Variants in ACTR3 observed in about 807,000 individuals in gnomAD.
ACTR3 encodes actin related protein 3, also known as actin-related protein 3.
Under a neutral mutation model 56.8 loss-of-function variants are expected in ACTR3, and 12 were observed. That is an observed-to-expected ratio of 0.21 (90% CI 0.14 to 0.34). The LOEUF is 0.34. Ranked by LOEUF, ACTR3 falls within the 10% of genes least tolerant of loss-of-function variation. ACTR3 has a pLI of 1.00. For synonymous variants in ACTR3, 162 were observed against 167.4 expected (o/e 0.97, Z 0.25); for missense variants, 282 against 512.5 (o/e 0.55, Z 4.34).
rs1680340168 is a variant in ACTR3, at chr2:113,962,418, T to C, written c.*4963T>C. 6.6e-6 allele frequency: 1 copy of C among 152,162 alleles called. No homozygotes were observed. The highest frequency in any genetic ancestry group is 1.5e-5 in the Non-Finnish European group (1 of 67,930). The allele number at this position is 152,162 out of a possible 1,614,324, so 9.4% of individuals were successfully genotyped here. A position where few individuals can be genotyped will look rare whatever the true frequency, so the allele number is the denominator to read the frequency against. On this transcript the variant is annotated 3_prime_UTR_variant, in exon 12 of 12. Transcript: ENST00000263238. ...TGGCTTTTATTGATCAATTTTGATA[T>C]TGTCCAGATCCCATGTTAAACCACT...
At chr2:113,943,644 A>G (rs1679963657) in intron 8 of ACTR3, among the ~76,000 whole-genome samples, 1 of 152,216 alleles carries the variant, frequency 6.6e-6, no homozygotes, top group Non-Finnish European at 1.5e-5. Context: ...AATAGAATCA[A>G]CATAATCAGT....
intron 5 of ACTR3, among the ~76,000 whole-genome samples, chr2:113,932,409 A>G (rs1235527458): frequency 6.6e-6 from 1 of 152,186 alleles, no homozygotes; most frequent in Non-Finnish European, 1.5e-5. Flanking sequence ...CCTATGTTAA[A>G]TATAATAAAC....
At chr2:113,921,432 C>A (rs192415235) in intron 3 of ACTR3, among the ~76,000 whole-genome samples, 14 of 150,998 alleles carry the variant, frequency 9.3e-5, no homozygotes, top group African/African-American at 3.2e-4. Context: ...CTTGTATTTT[C>A]CCTCTGTTGA....
rs970119409 is a variant in ACTR3 at position 113,890,469 on chromosome 2, C to T, written c.44+146C>T. The T allele has an allele frequency of 5.4e-6, 7 of 1,284,852 alleles. No individual in the cohort carries two copies. The African/African-American group carries it at 7.8e-5, about 14-fold the overall frequency. The allele number at this position is 1,284,852 out of a possible 1,614,324, so 79.6% of individuals were successfully genotyped here. ...ACCCGCCGGCCAGCGAGGGGTGGGG[C>T]CCGCAGCCAGGGCCTCGCGGGTCCC... On this transcript the variant is annotated intron_variant, in intron 1 of 11. Transcript: ENST00000263238.
chr2:113,916,811 G>T, intron 2 of ACTR3, 73 bp from the exon 3 acceptor site: 1 of 1,331,450 alleles, frequency 7.5e-7, no homozygotes, highest in Non-Finnish European at 1.0e-6. Flanking sequence ...CTTTGTAATG[G>T]GAGAAGTGTA....
intron 1 of ACTR3, among the ~76,000 whole-genome samples, chr2:113,908,757 G>T (rs572187017): frequency 6.6e-6 from 1 of 151,958 alleles, no homozygotes; most frequent in African/African-American, 2.4e-5. Flanking sequence ...TTTAAAGAGT[G>T]ATTTTTTTTG....
At chr2:113,893,628 T>C (rs902681997) in intron 1 of ACTR3, among the ~76,000 whole-genome samples, 1 of 152,150 alleles carries the variant, frequency 6.6e-6, no homozygotes, top group Admixed American at 6.5e-5. Context: ...TTTACTCAAG[T>C]TTCTCCATCA....
At chr2:113,889,992 GGAA>G (rs1172047339), upstream of ACTR3, 11 of 535,318 alleles carry the variant, frequency 2.1e-5, no homozygotes, top group Non-Finnish European at 3.0e-5. Context: ...CGGCGTGAGG[GGAA>G]GAAGTTGTAG....
rs184539015 is a variant in ACTR3, at chr2:113,897,919, A to T, written c.44+7596A>T. Among the ~76,000 whole-genome samples the T allele has an allele frequency of 1.2e-4, 19 of 152,258 alleles. 1 individual carries two copies. The highest frequency in any genetic ancestry group is 1.2e-3 in the Admixed American group (19 of 15,296). ...TTACCTAAACGTTTTATTTTTAAACATTTTGTCCTTGCTTTAAGACTTTGT... is the reference window on the plus strand; with the variant it reads ...TTACCTAAACGTTTTATTTTTAAACTTTTTGTCCTTGCTTTAAGACTTTGT... On this transcript the variant is annotated intron_variant, in intron 1 of 11. Coordinates refer to ENST00000263238, the MANE Select transcript of ACTR3 (RefSeq NM_005721.5).
At chr2:113,924,780 CA>C (rs916118704) in intron 3 of ACTR3, among the ~76,000 whole-genome samples, 8 of 149,422 alleles carry the variant, frequency 5.4e-5, no homozygotes, top group African/African-American at 1.7e-4. Context: ...ATTCCCCTGC[CA>C]AAAAAAAAGC....
intron 4 of ACTR3, 152 bp downstream of exon 4, chr2:113,927,607 G>A (rs1050356613): frequency 3.8e-6 from 2 of 533,084 alleles, no homozygotes; most frequent in African/African-American, 1.9e-5. Context: ...AGACCATCTA[G>A]TTATGGCTAC....
intron 2 of ACTR3, among the ~76,000 whole-genome samples, chr2:113,915,684 T>C (rs540811614): frequency 1.8e-4 from 27 of 152,364 alleles, no homozygotes; most frequent in African/African-American, 6.5e-4. Context: ...GTTGGAGGCC[T>C]ATATAATCTT....
chr2:113,890,604 G>T, intron 1 of ACTR3: 1 of 1,323,160 alleles, frequency 7.6e-7, no homozygotes, highest in African/African-American at 1.5e-5. Context: ...CCCCACTACG[G>T]TGGGCAGCGC....
chr2:113,922,149 A>G (rs992406451), intron 3 of ACTR3, among the ~76,000 whole-genome samples: 3 of 152,196 alleles, frequency 2.0e-5, no homozygotes, highest in Non-Finnish European at 4.4e-5. Context: ...GAAAAAAGTA[A>G]CAGTAAGAGT....
rs1679330287 is a variant in ACTR3 at position 113,912,726 on chromosome 2, G to GT, written c.45-445dup. On this transcript the variant is annotated intron_variant, in intron 1 of 11. Coordinates refer to ENST00000263238, the MANE Select transcript of ACTR3 (RefSeq NM_005721.5). ...TATACCATACTTGATACATTGTTCT[G>GT]TATCTTTGTTCAATAAGTAATATAT... Among the ~76,000 whole-genome samples the GT allele has an allele frequency of 2.0e-5, 3 of 152,006 alleles. No individual in the cohort carries two copies. The South Asian group carries it at 6.2e-4, about 32-fold the overall frequency.
intron 1 of ACTR3, chr2:113,890,744 C>T (rs1260432428): frequency 5.7e-6 from 6 of 1,053,366 alleles, no homozygotes; most frequent in Non-Finnish European, 6.9e-6. Flanking sequence ...CGGGGACTGG[C>T]CTGGCAGGGG....
At chr2:113,917,541 C>A (rs1287602747) in intron 3 of ACTR3, among the ~76,000 whole-genome samples, 1 of 152,056 alleles carries the variant, frequency 6.6e-6, no homozygotes, top group Non-Finnish European at 1.5e-5. Context: ...AATCTAGTAA[C>A]CCTGAAGCTT....
Position 113,934,372 on chromosome 2 carries a change from C to T in ACTR3, c.526C>T (p.His176Tyr). 1 of 1,588,480 alleles carries T rather than the reference C, an allele frequency of 6.3e-7. No homozygotes were observed. The highest frequency in any genetic ancestry group is 1.8e-5 in the Admixed American group (1 of 54,138). Residue 176 changes from histidine (H) to tyrosine (Y), a missense_variant, in exon 6 of 12, where the codon CAT (histidine) becomes TAT (tyrosine). Coordinates refer to ENST00000263238, the MANE Select transcript of ACTR3 (RefSeq NM_005721.5). ...TVIDSGDGVT[H>Y]VIPVAEGYVI... ...AATAGACAGTGGAGATGGTGTCACT[C>T]ATGTCATTCCTGTGGTAAGGCTATT...
intron 4 of ACTR3, among the ~76,000 whole-genome samples, chr2:113,929,258 C>T (rs146088064): frequency 2.0e-5 from 3 of 152,084 alleles, no homozygotes; most frequent in Admixed American, 2.0e-4. Flanking sequence ...TCTCCCAGCT[C>T]AGATTCCTGA....
Sources: allele counts gnomAD v4.1 joint callset (sites outside exome capture counted in the v4.1 genomes callset), GRCh38; gene constraint gnomAD v4.1.1; transcripts MANE v1.5; gene names NCBI Gene and HGNC (gene_info 2026-07-23, HGNC 2026-07-21).